The following NLGN1 variants were observed in gnomAD, a reference collection of about 807,000 sequenced individuals.
NLGN1 encodes neuroligin-1.
NLGN1 carries 12 observed loss-of-function variants against 65.5 expected under a neutral mutation model. The ratio of observed to expected loss-of-function variants is 0.18; its 90% CI spans 0.12 to 0.30. NLGN1 has a LOEUF of 0.30. Ranked by LOEUF, NLGN1 falls within the 10% of genes least tolerant of loss-of-function variation. The pLI is 1.00. For missense variants in NLGN1, 750 were observed against 1,007.1 expected (o/e 0.74, Z 3.46); for synonymous variants, 350 against 359.5 (o/e 0.97, Z 0.30).
chr3:173,718,941 G>A (rs993697798), intron 3 of NLGN1, among the ~76,000 whole-genome samples: 3 of 152,160 alleles, frequency 2.0e-5, no homozygotes, highest in East Asian at 1.9e-4. Flanking sequence ...TTCTTATATT[G>A]CTGAGCTATA....
At chr3:173,627,749 A>AAAGTACCTTT (rs1041168223) in intron 3 of NLGN1, among the ~76,000 whole-genome samples, 3 of 152,038 alleles carry the variant, frequency 2.0e-5, no homozygotes, top group Non-Finnish European at 4.4e-5. Context: ...GTAGCAAATG[A>AAAGTACCTTT]AAGTACCTTT....
At chr3:173,725,494 G>A (rs970058732) in intron 3 of NLGN1, among the ~76,000 whole-genome samples, 8 of 152,156 alleles carry the variant, frequency 5.3e-5, no homozygotes, top group Admixed American at 2.6e-4. Flanking sequence ...ATGTTAGTTT[G>A]TATTATTAAA....
At chr3:173,581,270 T>C (rs1746351299) in intron 2 of NLGN1, among the ~76,000 whole-genome samples, 1 of 152,040 alleles carries the variant, frequency 6.6e-6, no homozygotes, top group African/African-American at 2.4e-5. Flanking sequence ...GATTATGAAA[T>C]ATAATGCCTA....
chr3:174,061,025 C>A (rs375178681), intron 4 of NLGN1, among the ~76,000 whole-genome samples: 21 of 152,180 alleles, frequency 1.4e-4, no homozygotes, highest in African/African-American at 4.8e-4. Flanking sequence ...GGTATGATTT[C>A]TCCATACGGT....
intron 2 of NLGN1, among the ~76,000 whole-genome samples, chr3:173,536,277 G>A (rs1044140810): frequency 5.3e-5 from 8 of 152,136 alleles, no homozygotes; most frequent in Non-Finnish European, 7.3e-5. Context: ...GTCTATTCTG[G>A]AGATGGTTAA....
At chr3:174,233,692 T>A (rs1042967140) in intron 4 of NLGN1, among the ~76,000 whole-genome samples, 1 of 152,066 alleles carries the variant, frequency 6.6e-6, no homozygotes, top group Non-Finnish European at 1.5e-5. Flanking sequence ...GTCACCATGG[T>A]GTATTAGCAT....
intron 4 of NLGN1, among the ~76,000 whole-genome samples, chr3:173,880,927 A>G (rs930393509): frequency 1.3e-5 from 2 of 152,074 alleles, no homozygotes; most frequent in Admixed American, 1.3e-4. Flanking sequence ...AAAATTCTAA[A>G]TCTTTTATTG....
downstream of NLGN1, chr3:174,286,738 T>G (rs2152900775): frequency 6.6e-6 from 1 of 151,738 alleles, no homozygotes; most frequent in Non-Finnish European, 1.5e-5. Flanking sequence ...TACAAAGTCT[T>G]TGTATTGCTT....
rs564218657 is a variant in NLGN1 at position 173,667,187 on chromosome 3, G to C, written c.493+62096G>C. Reference sequence around the variant, plus strand: ...TTTGTTGGATTTGTTGGGCATTTAGGTTATTTCCATTTTAATTTTTCAAAC... The same window carrying C: ...TTTGTTGGATTTGTTGGGCATTTAGCTTATTTCCATTTTAATTTTTCAAAC... On this transcript the variant is annotated intron_variant, in intron 3 of 6. Coordinates refer to ENST00000457714, the Ensembl canonical transcript of NLGN1. Among the ~76,000 whole-genome samples, 3 of 150,426 alleles carry C rather than the reference G, an allele frequency of 2.0e-5. No individual in the cohort carries two copies. The East Asian group carries it at 5.9e-4, about 30-fold the overall frequency.
chr3:173,473,697 T>C (rs1725704812), intron 2 of NLGN1, among the ~76,000 whole-genome samples: 1 of 152,236 alleles, frequency 6.6e-6, no homozygotes. Flanking sequence ...AACAATACGT[T>C]ATTTTTTGCA....
At chr3:173,884,310 C>G (rs1199037998) in intron 4 of NLGN1, among the ~76,000 whole-genome samples, 1 of 152,126 alleles carries the variant, frequency 6.6e-6, no homozygotes, top group Non-Finnish European at 1.5e-5. Context: ...GGTTTCCTAG[C>G]ACCTAATTTC....
chr3:173,930,173 A>C (rs1443604940), intron 4 of NLGN1, among the ~76,000 whole-genome samples: 3 of 152,222 alleles, frequency 2.0e-5, no homozygotes, highest in African/African-American at 7.2e-5. Flanking sequence ...TTAGCTTGGA[A>C]ATTCCGTACC....
At chr3:173,540,380 C>T (rs920966487) in intron 2 of NLGN1, among the ~76,000 whole-genome samples, 6 of 152,110 alleles carry the variant, frequency 3.9e-5, no homozygotes, top group Admixed American at 2.0e-4. Context: ...AGTAAATGGG[C>T]CAGAGTAACA....
intron 4 of NLGN1, among the ~76,000 whole-genome samples, chr3:173,814,141 C>T (rs541396958): frequency 3.1e-4 from 47 of 152,322 alleles, no homozygotes; most frequent in South Asian, 2.9e-3. Flanking sequence ...GTGCGTGTCT[C>T]GCCCACAGGG....
chr3:174,067,527 T>C (rs943618586), intron 4 of NLGN1, among the ~76,000 whole-genome samples: 3 of 152,178 alleles, frequency 2.0e-5, no homozygotes, highest in South Asian at 2.1e-4. Flanking sequence ...CTACCGTTAC[T>C]GAGTCAGATG....
At chr3:174,152,829 C>T (rs1011999831) in intron 4 of NLGN1, among the ~76,000 whole-genome samples, 7 of 152,042 alleles carry the variant, frequency 4.6e-5, no homozygotes, top group East Asian at 1.9e-4. Context: ...TAATATAACA[C>T]GATAATCCTA....
At chr3:173,699,304 A>T (rs1219443173) in intron 3 of NLGN1, among the ~76,000 whole-genome samples, 1 of 152,230 alleles carries the variant, frequency 6.6e-6, no homozygotes, top group Non-Finnish European at 1.5e-5. Context: ...AATACAGGTT[A>T]ACAATGCACA....
intron 3 of NLGN1, among the ~76,000 whole-genome samples, chr3:173,634,478 A>T (rs1180759358): frequency 6.6e-6 from 1 of 152,102 alleles, no homozygotes; most frequent in Non-Finnish European, 1.5e-5. Context: ...TTACAAAATG[A>T]GATGACACAA....
At chr3:174,293,921 GAGAA>G in the NLGN1 span, among the ~76,000 whole-genome samples, 3 of 151,624 alleles carry the variant, frequency 2.0e-5, no homozygotes, top group African/African-American at 7.3e-5. Flanking sequence ...CAGAGAAAAA[GAGAA>G]AGTACTACAA....
Sources: allele counts gnomAD v4.1 joint callset (sites outside exome capture counted in the v4.1 genomes callset), GRCh38; gene constraint gnomAD v4.1.1; transcripts MANE v1.5; gene names NCBI Gene and HGNC (gene_info 2026-07-23, HGNC 2026-07-21).